The following INPP4A variants were observed in gnomAD, a reference collection of about 807,000 sequenced individuals.
INPP4A encodes the protein inositol polyphosphate-4-phosphatase type I A, also known as inositol polyphosphate-4-phosphatase, type I, 107kD.
INPP4A carries 33 observed loss-of-function variants against 119.8 expected under a neutral mutation model. The ratio of observed to expected loss-of-function variants is 0.28; its 90% CI spans 0.21 to 0.37. INPP4A has a LOEUF of 0.37. INPP4A is among the 10% of genes least tolerant of loss of function. INPP4A has a pLI of 1.00. For missense variants in INPP4A, 956 were observed against 1,289.9 expected (o/e 0.74, Z 3.97); for synonymous variants, 496 against 500.7 (o/e 0.99, Z 0.12).
At chr2:98,491,843 G>A (rs1220467784) in intron 1 of INPP4A, among the ~76,000 whole-genome samples, 2 of 152,128 alleles carry the variant, frequency 1.3e-5, no homozygotes, top group Non-Finnish European at 2.9e-5. Context: ...ACTTAACGAT[G>A]GGGCTGCATC....
chr2:98,551,915 T>G (rs1693596751), intron 13 of INPP4A, among the ~76,000 whole-genome samples: 1 of 152,168 alleles, frequency 6.6e-6, no homozygotes, highest in Non-Finnish European at 1.5e-5. Flanking sequence ...GACATGCAAT[T>G]TATCATCACC....
chr2:98,480,040 A>G (rs575138744), intron 1 of INPP4A, among the ~76,000 whole-genome samples: 1 of 152,358 alleles, frequency 6.6e-6, no homozygotes, highest in South Asian at 2.1e-4. Context: ...TGTTTCCTGC[A>G]GTCAGGGCTT....
At chr2:98,551,964 C>T (rs559337877) in intron 13 of INPP4A, among the ~76,000 whole-genome samples, 4 of 152,114 alleles carry the variant, frequency 2.6e-5, no homozygotes, top group Admixed American at 6.5e-5. Context: ...GCCCCCACAG[C>T]GGGAGGATGT....
At chr2:98,520,827 G>A (rs1687040180) in intron 4 of INPP4A, 96 bp downstream of exon 4, 2 of 668,062 alleles carry the variant, frequency 3.0e-6, no homozygotes, top group Admixed American at 5.9e-5. Flanking sequence ...GTCTCAGAGA[G>A]CTTGCTGCTG....
chr2:98,473,458 T>C (rs1318879009), intron 1 of INPP4A, among the ~76,000 whole-genome samples: 1 of 150,602 alleles, frequency 6.6e-6, no homozygotes, highest in East Asian at 2.0e-4. Context: ...GAGGACAGTG[T>C]GGGGACAGTG....
chr2:98,538,650 C>A (rs547392062), intron 8 of INPP4A, among the ~76,000 whole-genome samples: 18 of 152,340 alleles, frequency 1.2e-4, no homozygotes, highest in African/African-American at 4.3e-4. Context: ...AGAACACTGA[C>A]ACACAAGGTG....
At chr2:98,508,451 TG>T (rs1279326689) in intron 1 of INPP4A, among the ~76,000 whole-genome samples, 1 of 152,184 alleles carries the variant, frequency 6.6e-6, no homozygotes, top group African/African-American at 2.4e-5. Flanking sequence ...GAGTGAGTGA[TG>T]ATACCCCCCT....
At chr2:98,484,342 T>C (rs1679113931) in intron 1 of INPP4A, among the ~76,000 whole-genome samples, 1 of 152,176 alleles carries the variant, frequency 6.6e-6, no homozygotes, top group Admixed American at 6.5e-5. Context: ...CCTGTTCTGG[T>C]TCCCTCTCCT....
chr2:98,497,843 G>A (rs1334236046), intron 1 of INPP4A, among the ~76,000 whole-genome samples: 2 of 152,272 alleles, frequency 1.3e-5, no homozygotes, highest in East Asian at 1.9e-4. Flanking sequence ...AGGTTTGACT[G>A]CCCTGTTGGA....
chr2:98,485,288 G>A lies in INPP4A; in HGVS notation c.-165-33676G>A, dbSNP rs894374881. ...TATAATCATGCGGTCTGGTTGCAGC[G>A]TGAAATATGTTCACAGTCTAAGATT... On this transcript the variant is annotated intron_variant, in intron 1 of 24. Coordinates refer to ENST00000409851, the MANE Select transcript of INPP4A (RefSeq NM_001134225.2). Among the ~76,000 whole-genome samples, 6 of 152,202 alleles carry A rather than the reference G, an allele frequency of 3.9e-5. 1 individual carries two copies. The highest frequency in any genetic ancestry group is 4.1e-4 in the South Asian group (2 of 4,830).
Position 98,587,723 on chromosome 2 carries a change from T to A in INPP4A, c.*115T>A, listed in dbSNP as rs1294160418. 3.4e-5 allele frequency: 31 copies of A among 904,980 alleles called. No homozygotes were observed. The highest frequency in any genetic ancestry group is 4.7e-5 in the Non-Finnish European group (29 of 613,154). The allele number at this position is 904,980 out of a possible 1,614,324, so 56.1% of individuals were successfully genotyped here. On this transcript the variant is annotated 3_prime_UTR_variant, in exon 25 of 25. Transcript: ENST00000409851. ...TGGTTTTTATTTTTTGTGGTTTTTT[T>A]AAAAAAAACATTTCACTAAAGAGTC...
At chr2:98,466,219 T>G (rs1415740374) in intron 1 of INPP4A, among the ~76,000 whole-genome samples, 1 of 152,210 alleles carries the variant, frequency 6.6e-6, no homozygotes, top group Non-Finnish European at 1.5e-5. Flanking sequence ...CTAATTTTTG[T>G]ATTTTTAATA....
At chr2:98,567,182 G>GT (rs774071600) in intron 21 of INPP4A, among the ~76,000 whole-genome samples, 6 of 152,180 alleles carry the variant, frequency 3.9e-5, no homozygotes, top group Non-Finnish European at 5.9e-5. Context: ...GCTGGGAGGA[G>GT]TCCAGGCCAG....
intron 1 of INPP4A, among the ~76,000 whole-genome samples, chr2:98,467,683 G>C (rs1469371831): frequency 6.6e-6 from 1 of 152,076 alleles, no homozygotes; most frequent in Non-Finnish European, 1.5e-5. Context: ...ACATACACTT[G>C]CATTTGATTT....
At chr2:98,495,992 A>G (rs577111527) in intron 1 of INPP4A, among the ~76,000 whole-genome samples, 4 of 152,316 alleles carry the variant, frequency 2.6e-5, no homozygotes, top group South Asian at 2.1e-4. Context: ...AGGGCCTGCT[A>G]TCTGTCATGT....
intron 4 of INPP4A, among the ~76,000 whole-genome samples, chr2:98,532,969 C>T (rs1219535527): frequency 6.6e-6 from 1 of 152,224 alleles, no homozygotes; most frequent in Non-Finnish European, 1.5e-5. Context: ...TCAGCCACAG[C>T]AGTCACAGGA....
At chr2:98,453,244 C>T (rs1455919917) in intron 1 of INPP4A, among the ~76,000 whole-genome samples, 2 of 152,194 alleles carry the variant, frequency 1.3e-5, no homozygotes, top group Non-Finnish European at 2.9e-5. Context: ...GCACTGAGCT[C>T]TAACCACATT....
chr2:98,543,484 G>A (rs1691907634), intron 10 of INPP4A, among the ~76,000 whole-genome samples: 1 of 152,192 alleles, frequency 6.6e-6, no homozygotes, highest in Non-Finnish European at 1.5e-5. Flanking sequence ...TCTGTTCCGG[G>A]AGGATCACAC....
At chr2:98,578,093 G>T (rs1698725277) in intron 24 of INPP4A, among the ~76,000 whole-genome samples, 1 of 152,172 alleles carries the variant, frequency 6.6e-6, no homozygotes, top group Non-Finnish European at 1.5e-5. Context: ...GTCCCGTTTT[G>T]TCTTTCCAAG....
Sources: gnomAD v4.1 joint callset for allele counts (sites outside exome capture counted in the v4.1 genomes callset) on GRCh38, gnomAD v4.1.1 for gene constraint, MANE v1.5 for transcripts, NCBI Gene and HGNC (gene_info 2026-07-23, HGNC 2026-07-21) for gene names.